QTMAN: variants seen among roughly 807,000 people sequenced by gnomAD.
The protein encoded by QTMAN is queuosine-tRNA mannosyltransferase, also known as tRNA-queuosine alpha-mannosyltransferase.
At chr2:144,271,028 C>G in the QTMAN span, among the ~76,000 whole-genome samples, 1 of 152,160 alleles carries the variant, frequency 6.6e-6, no homozygotes, top group South Asian at 2.1e-4. Flanking sequence ...TTAATATTTT[C>G]TCTTCTTATG....
At chr2:144,201,906 A>G in the QTMAN span, among the ~76,000 whole-genome samples, 3 of 152,154 alleles carry the variant, frequency 2.0e-5, no homozygotes, top group Non-Finnish European at 4.4e-5. Context: ...CATAGCAGAG[A>G]CTTTAGGAAA....
the QTMAN span, among the ~76,000 whole-genome samples, chr2:144,065,197 T>C: frequency 6.6e-6 from 1 of 152,190 alleles, no homozygotes; most frequent in Non-Finnish European, 1.5e-5. Context: ...CGAACACTAA[T>C]GTCCCTGAAG....
At chr2:144,183,536 G>A in the QTMAN span, among the ~76,000 whole-genome samples, 1 of 152,160 alleles carries the variant, frequency 6.6e-6, no homozygotes, top group South Asian at 2.1e-4. Context: ...ATTTAATTCT[G>A]ACTAAATTTC....
chr2:144,301,838 T>C, the QTMAN span, among the ~76,000 whole-genome samples: 1,715 of 152,320 alleles, frequency 0.011, 23 homozygotes, highest in Admixed American at 0.028. Context: ...GTCTTCTTTA[T>C]CTTTTCAGTG....
At chr2:144,098,552 T>C in the QTMAN span, among the ~76,000 whole-genome samples, 1 of 151,546 alleles carries the variant, frequency 6.6e-6, no homozygotes, top group African/African-American at 2.4e-5. Context: ...CCATCTCTAC[T>C]AAAATACAAA....
At chr2:144,290,056 G>A in the QTMAN span, among the ~76,000 whole-genome samples, 2 of 151,730 alleles carry the variant, frequency 1.3e-5, no homozygotes, top group East Asian at 1.9e-4. Flanking sequence ...AATAAGGCAC[G>A]CCAAGCTGTA....
At chr2:144,300,257 A>G in the QTMAN span, among the ~76,000 whole-genome samples, 1 of 152,176 alleles carries the variant, frequency 6.6e-6, no homozygotes, top group Non-Finnish European at 1.5e-5. Context: ...AAAAATAGTA[A>G]ATTTTATGTT....
chr2:143,997,258 C>T, the QTMAN span, among the ~76,000 whole-genome samples: 1 of 152,070 alleles, frequency 6.6e-6, no homozygotes, highest in East Asian at 1.9e-4. Context: ...AGCACCCACT[C>T]AGACATTTTA....
At chr2:144,257,107 AC>A in the QTMAN span, among the ~76,000 whole-genome samples, 736 of 151,742 alleles carry the variant, frequency 4.9e-3, 7 homozygotes, top group African/African-American at 0.017. Flanking sequence ...AAAAACCAGA[AC>A]AAAAGTAATG....
the QTMAN span, among the ~76,000 whole-genome samples, chr2:144,019,626 G>C: frequency 6.6e-6 from 1 of 152,130 alleles, no homozygotes; most frequent in South Asian, 2.1e-4. Flanking sequence ...ATTTTACATA[G>C]AGAGAAATCA....
At chr2:144,027,316 G>T in the QTMAN span, among the ~76,000 whole-genome samples, 13 of 152,146 alleles carry the variant, frequency 8.5e-5, 1 homozygote, top group African/African-American at 3.1e-4. Flanking sequence ...GTCACATCGG[G>T]TTTTACTTGT....
chr2:144,311,331 G>A, the QTMAN span, among the ~76,000 whole-genome samples: 1 of 152,146 alleles, frequency 6.6e-6, no homozygotes, highest in Non-Finnish European at 1.5e-5. Context: ...TTTTAAATCA[G>A]GGAAAGTAAT....
the QTMAN span, among the ~76,000 whole-genome samples, chr2:143,969,373 T>C: frequency 1.3e-5 from 2 of 152,210 alleles, no homozygotes; most frequent in African/African-American, 4.8e-5. Context: ...ATTATAAATT[T>C]CTTGAGAGCA....
At chr2:144,222,882 C>T in the QTMAN span, among the ~76,000 whole-genome samples, 2 of 152,132 alleles carry the variant, frequency 1.3e-5, no homozygotes, top group African/African-American at 2.4e-5. Flanking sequence ...AAAAACGGAG[C>T]GAGGACTGAT....
At chr2:144,173,477 C>G in the QTMAN span, among the ~76,000 whole-genome samples, 6 of 152,140 alleles carry the variant, frequency 3.9e-5, no homozygotes, top group Non-Finnish European at 7.4e-5. Context: ...TGGGCAACAA[C>G]AAGTCAGAAA....
the QTMAN span, among the ~76,000 whole-genome samples, chr2:144,272,721 G>C: frequency 6.6e-6 from 1 of 152,088 alleles, no homozygotes. Flanking sequence ...ATGTGTGTGT[G>C]TGTATGTGTG....
At chr2:144,293,404 C>T in the QTMAN span, among the ~76,000 whole-genome samples, 3 of 152,164 alleles carry the variant, frequency 2.0e-5, no homozygotes, top group Non-Finnish European at 4.4e-5. Flanking sequence ...AGAATGCATG[C>T]ATATATATGC....
At chr2:144,310,467 T>C in the QTMAN span, among the ~76,000 whole-genome samples, 1 of 152,206 alleles carries the variant, frequency 6.6e-6, no homozygotes, top group Non-Finnish European at 1.5e-5. Flanking sequence ...ATTTAACTTG[T>C]TTTAACCTAA....
chr2:144,011,858 G>A, the QTMAN span: 4 of 354,652 alleles, frequency 1.1e-5, no homozygotes, highest in African/African-American at 6.7e-5. Flanking sequence ...GTGAAAGAGA[G>A]AAAAGAAAGG....
Sources: gnomAD v4.1 joint callset for allele counts (sites outside exome capture counted in the v4.1 genomes callset) on GRCh38, gnomAD v4.1.1 for gene constraint, MANE v1.5 for transcripts, NCBI Gene and HGNC (gene_info 2026-07-23, HGNC 2026-07-21) for gene names.